CPVL: variants seen among roughly 807,000 people sequenced by gnomAD.
CPVL encodes the protein carboxypeptidase vitellogenic like.
CPVL carries 51 observed loss-of-function variants against 63.7 expected under a neutral mutation model. The observed-to-expected ratio is 0.80, with a 90% CI of 0.64 to 1.01. The LOEUF (loss-of-function observed/expected upper bound fraction) is 1.01. CPVL is among the 50% of genes least tolerant of loss of function. The probability of loss-of-function intolerance (pLI) is 0.00; values close to 1 mark genes in which losing one functional copy is unlikely to be tolerated. For synonymous variants in CPVL, 195 were observed against 206.0 expected (o/e 0.95, Z 0.46); for missense variants, 530 against 573.1 (o/e 0.92, Z 0.77).
intron 1 of CPVL, among the ~76,000 whole-genome samples, chr7:29,139,634 T>G (rs1791643296): frequency 6.6e-6 from 1 of 152,188 alleles, no homozygotes; most frequent in African/African-American, 2.4e-5. Context: ...TCCAGCAATT[T>G]TTCTCTGAAA....
chr7:29,171,060 C>T (rs1796539641), intron 5 of CPVL, among the ~76,000 whole-genome samples: 1 of 152,116 alleles, frequency 6.6e-6, no homozygotes, highest in South Asian at 2.1e-4. Flanking sequence ...CTCTATGACT[C>T]AGCTGATTTA....
rs1795895943 is a variant in CPVL, at chr7:29,166,197, T to TTTTTTG, written c.-11+15087_-11+15092dup. Among the ~76,000 whole-genome samples the TTTTTTG allele has an allele frequency of 2.0e-5, 3 of 152,052 alleles. No homozygotes were observed. The East Asian group carries it at 5.8e-4, about 29-fold the overall frequency. On this transcript the variant is annotated intron_variant, in intron 5 of 16. Coordinates refer to the CPVL transcript ENST00000409850. ...GGGTGTGTGCCACCACATCCAGTTT[T>TTTTTTG]TTTTTGTTTTTGTTTTTGTAGAGGT...
At chr7:29,033,617 T>A (rs1363112829) in intron 11 of CPVL, among the ~76,000 whole-genome samples, 1 of 152,124 alleles carries the variant, frequency 6.6e-6, no homozygotes, top group East Asian at 1.9e-4. Context: ...AGCAACAAGG[T>A]CTAAAGACAG....
intron 11 of CPVL, among the ~76,000 whole-genome samples, chr7:29,050,638 G>C (rs568240595): frequency 1.3e-5 from 2 of 151,954 alleles, no homozygotes; most frequent in Non-Finnish European, 2.9e-5. Context: ...TGGATGGGTA[G>C]AATCAACATT....
intron 1 of CPVL, among the ~76,000 whole-genome samples, chr7:29,132,202 A>C (rs901800366): frequency 1.3e-5 from 2 of 152,082 alleles, no homozygotes; most frequent in Non-Finnish European, 2.9e-5. Flanking sequence ...CTGGCAGGAG[A>C]ACAGTGACTA....
rs148290681 is a variant in CPVL at position 29,121,182 on chromosome 7, G to A, written c.-10-111C>T. On this transcript the variant is annotated intron_variant, in intron 1 of 12. Coordinates refer to ENST00000265394, the MANE Select transcript of CPVL (RefSeq NM_031311.5). ...CTTAAAAAAAATATTGTGTGTAAAG[G>A]CCCTCTGCAAGGACCTTGGATAGCA... The A allele has an allele frequency of 7.0e-3, 7,289 of 1,040,368 alleles. 44 individuals carry two copies. Among genetic ancestry groups the A allele is most frequent in the Admixed American group, 8.5e-3 (255 of 29,978 alleles). The allele number at this position is 1,040,368 out of a possible 1,614,324, so 64.4% of individuals were successfully genotyped here.
At chr7:29,103,177 T>C (rs1222752380) in intron 3 of CPVL, among the ~76,000 whole-genome samples, 1 of 6,660 alleles carries the variant, frequency 1.5e-4, no homozygotes. Flanking sequence ...TAAGTTAATA[T>C]ACTGGGGGGG....
chr7:29,017,035 T>A (rs1786480136), intron 12 of CPVL, among the ~76,000 whole-genome samples: 1 of 152,194 alleles, frequency 6.6e-6, no homozygotes, highest in Non-Finnish European at 1.5e-5. Flanking sequence ...AAACCTCTGA[T>A]GGCTCCCCAC....
intron 7 of CPVL, among the ~76,000 whole-genome samples, chr7:29,081,092 C>CT (rs748739075): frequency 3.9e-5 from 6 of 152,194 alleles, no homozygotes; most frequent in Non-Finnish European, 8.8e-5. Context: ...ATCCTGTCAC[C>CT]TACCTGCCTT....
rs185426986 is a variant in CPVL at position 29,041,287 on chromosome 7, G to C, written c.1138-10528C>G. 8.0e-4 allele frequency among the ~76,000 whole-genome samples: 121 copies of C among 152,056 alleles called. 1 individual carries two copies. The highest frequency in any genetic ancestry group is 2.8e-3 in the African/African-American group (115 of 41,466). On this transcript the variant is annotated intron_variant, in intron 11 of 12. Transcript: ENST00000265394. The stretch of plus-strand genomic sequence containing the variant: ...AGACAAGGTTTCACCATGTTTCCCA[G>C]GCTGGTCTTGAACACCGGACCTCAA...
chr7:29,121,824 C>A (rs1363944538), intron 1 of CPVL, among the ~76,000 whole-genome samples: 1 of 151,976 alleles, frequency 6.6e-6, no homozygotes, highest in African/African-American at 2.4e-5. Context: ...CAGTTTGTAT[C>A]AAAGAACAAC....
At chr7:29,175,785 A>C (rs1463378822) in intron 5 of CPVL, among the ~76,000 whole-genome samples, 1 of 152,200 alleles carries the variant, frequency 6.6e-6, no homozygotes, top group Admixed American at 6.5e-5. Flanking sequence ...AAAAATATGA[A>C]AGAAGGGTTA....
At chr7:29,005,884 C>T (rs906226794) in intron 12 of CPVL, among the ~76,000 whole-genome samples, 3 of 152,184 alleles carry the variant, frequency 2.0e-5, no homozygotes, top group Non-Finnish European at 2.9e-5. Flanking sequence ...TACTCAATAT[C>T]TAGCTTTATG....
Position 29,062,031 on chromosome 7 carries a change from C to CA in CPVL, c.1137+2029dup, listed in dbSNP as rs1000697234. On this transcript the variant is annotated intron_variant, in intron 11 of 12. Coordinates refer to ENST00000265394, the MANE Select transcript of CPVL (RefSeq NM_031311.5). ...ATATCAAACTTATCTGCTCTCCTCT[C>CA]AAAAAAATTCACTCGTTCCATTCCT... Among the ~76,000 whole-genome samples, 6 of 152,074 alleles carry CA rather than the reference C, an allele frequency of 3.9e-5. No homozygotes were observed. The East Asian group carries it at 5.8e-4, about 15-fold the overall frequency.
intron 1 of CPVL, among the ~76,000 whole-genome samples, chr7:29,134,069 A>G (rs905120491): frequency 4.6e-5 from 7 of 152,236 alleles, no homozygotes; most frequent in African/African-American, 1.7e-4. Flanking sequence ...AGACTTGGGA[A>G]TATAAGAAAC....
intron 11 of CPVL, among the ~76,000 whole-genome samples, chr7:29,040,163 C>G (rs1788930774): frequency 6.6e-6 from 1 of 152,188 alleles, no homozygotes; most frequent in Non-Finnish European, 1.5e-5. Flanking sequence ...ACTTCCTCTT[C>G]TGGCTGCTTT....
At chr7:29,148,476 C>T (rs1444058695), upstream of CPVL, 6 of 152,120 alleles carry the variant, frequency 3.9e-5, no homozygotes, top group African/African-American at 1.2e-4. Context: ...TTGAATAACA[C>T]GTTTTAACTT....
At chr7:29,028,525 AAAGGGAAC>A (rs1787706907) in intron 12 of CPVL, among the ~76,000 whole-genome samples, 1 of 152,234 alleles carries the variant, frequency 6.6e-6, no homozygotes, top group Non-Finnish European at 1.5e-5. Context: ...TCTTCACAGC[AAAGGGAAC>A]AATCAATAGA....
At chr7:29,100,835 C>T (rs1265429399) in intron 3 of CPVL, among the ~76,000 whole-genome samples, 1 of 152,228 alleles carries the variant, frequency 6.6e-6, no homozygotes, top group Non-Finnish European at 1.5e-5. Flanking sequence ...CATCTTTCTA[C>T]TTTGATGGGC....
Sources: allele counts gnomAD v4.1 joint callset (sites outside exome capture counted in the v4.1 genomes callset), GRCh38; gene constraint gnomAD v4.1.1; transcripts MANE v1.5; gene names NCBI Gene and HGNC (gene_info 2026-07-23, HGNC 2026-07-21).